CPEB3: variants seen among roughly 807,000 people sequenced by gnomAD.
CPEB3 encodes the protein cytoplasmic polyadenylation element-binding protein 3.
CPEB3 carries 20 observed loss-of-function variants against 67.2 expected under a neutral mutation model. That is an observed-to-expected ratio of 0.30 (90% confidence interval 0.21 to 0.43). The LOEUF is 0.43. Among genes scored for constraint, CPEB3 ranks in the 20% least tolerant of loss-of-function variants. The probability of loss-of-function intolerance (pLI) is 1.00; values close to 1 mark genes in which losing one functional copy is unlikely to be tolerated. For missense variants in CPEB3, 746 were observed against 968.6 expected (o/e 0.77, Z 3.05); for synonymous variants, 376 against 393.1 (o/e 0.96, Z 0.51).
intron 4 of CPEB3, among the ~76,000 whole-genome samples, chr10:92,170,601 A>G (rs1026437094): frequency 4.6e-5 from 7 of 152,158 alleles, no homozygotes; most frequent in Non-Finnish European, 1.0e-4. Context: ...AAATGAAACA[A>G]TAACTGATGA....
At chr10:92,219,966 T>C (rs1850613078) in intron 2 of CPEB3, among the ~76,000 whole-genome samples, 1 of 152,220 alleles carries the variant, frequency 6.6e-6, no homozygotes, top group Non-Finnish European at 1.5e-5. Context: ...GATACCAGCC[T>C]GGCCAATGTG....
chr10:92,079,056 G>A (rs1843041013), intron 9 of CPEB3, among the ~76,000 whole-genome samples: 1 of 152,084 alleles, frequency 6.6e-6, no homozygotes, highest in Non-Finnish European at 1.5e-5. Context: ...TCTGGCTTTA[G>A]AGGAGAAAAA....
chr10:92,137,717 G>T, intron 6 of CPEB3: 1 of 424,516 alleles, frequency 2.4e-6, no homozygotes, highest in African/African-American at 2.1e-5. Flanking sequence ...GGATTGGCTC[G>T]GCTGGGTGCA....
chr10:92,235,462 TA>T (rs968754725), intron 2 of CPEB3, among the ~76,000 whole-genome samples: 17 of 151,680 alleles, frequency 1.1e-4, no homozygotes, highest in African/African-American at 4.1e-4. Context: ...AAAAAATCAG[TA>T]ATCCGTATTA....
In CPEB3 at chr10:92,127,356, CTAAG is replaced by C. The variant is rs373238182; in HGVS notation, c.1453+15669_1453+15672del. On this transcript the variant is annotated intron_variant, in intron 6 of 9. Transcript: ENST00000265997. ...CAGGGGCTAGACATTTGAGCAGTGT[CTAAG>C]TGAGAAAGTGCTCCATTTAGAAATG... 2.2e-3 allele frequency among the ~76,000 whole-genome samples: 331 copies of C among 152,170 alleles called. 1 individual carries two copies. The highest frequency in any genetic ancestry group is 7.7e-3 in the African/African-American group (320 of 41,516).
intron 6 of CPEB3, among the ~76,000 whole-genome samples, chr10:92,122,678 C>G (rs933805506): frequency 6.6e-6 from 1 of 152,130 alleles, no homozygotes; most frequent in South Asian, 2.1e-4. Context: ...TTTTTGTAAA[C>G]ATATTTTTAA....
chr10:92,124,577 C>G (rs936527869), intron 6 of CPEB3, among the ~76,000 whole-genome samples: 1 of 151,096 alleles, frequency 6.6e-6, no homozygotes, highest in Non-Finnish European at 1.5e-5. Context: ...AATCACCAAA[C>G]AGTGTGAGCA....
At chr10:92,097,227 T>C (rs1843922731) in intron 7 of CPEB3, among the ~76,000 whole-genome samples, 1 of 152,194 alleles carries the variant, frequency 6.6e-6, no homozygotes, top group African/African-American at 2.4e-5. Flanking sequence ...AAGTGAAACT[T>C]CAATATTCTA....
chr10:92,198,213 C>A lies in CPEB3; in HGVS notation c.1006-5577G>T, dbSNP rs530377648. ...AGCCAGGGCTCAAACCCAGTCAAAT[C>A]CAGACCGTGCTCTTAAGGATTCTCA... is the stretch of plus-strand genomic sequence containing the variant. On this transcript the variant is annotated intron_variant, in intron 2 of 9. Transcript: ENST00000265997. Among the ~76,000 whole-genome samples the A allele has an allele frequency of 3.9e-5, 6 of 152,326 alleles. No individual in the cohort carries two copies. In the East Asian group the frequency reaches 1.2e-3, roughly 29 times the overall value.
At chr10:92,125,504 G>A (rs1185495139) in intron 6 of CPEB3, among the ~76,000 whole-genome samples, 2 of 152,214 alleles carry the variant, frequency 1.3e-5, no homozygotes, top group Admixed American at 6.5e-5. Flanking sequence ...TATGAGAGGT[G>A]AGGCTATTGC....
chr10:92,088,740 C>A (rs1191533122), intron 8 of CPEB3, among the ~76,000 whole-genome samples: 1 of 152,116 alleles, frequency 6.6e-6, no homozygotes, highest in East Asian at 1.9e-4. Context: ...TAAAAATCCA[C>A]CTGGACATCT....
intron 1 of CPEB3, among the ~76,000 whole-genome samples, chr10:92,290,704 A>G (rs730075): frequency 0.19 from 28,915 of 151,886 alleles, 3,434 homozygotes; most frequent in East Asian, 0.4. Context: ...AGGTGGTGTA[A>G]TTCCCCCAAA....
chr10:92,219,583 C>T (rs762236553), intron 2 of CPEB3, among the ~76,000 whole-genome samples: 7 of 152,256 alleles, frequency 4.6e-5, no homozygotes, highest in Non-Finnish European at 8.8e-5. Flanking sequence ...TCACATATAA[C>T]GAATCTCAGC....
chr10:92,089,627 A>C (rs902710392), intron 8 of CPEB3, among the ~76,000 whole-genome samples: 8 of 152,136 alleles, frequency 5.3e-5, no homozygotes, highest in Non-Finnish European at 1.0e-4. Context: ...TCTACCAAAA[A>C]TACAAAACAG....
At chr10:92,054,622 A>T (rs934180073) in intron 9 of CPEB3, among the ~76,000 whole-genome samples, 2 of 152,052 alleles carry the variant, frequency 1.3e-5, no homozygotes, top group Admixed American at 1.3e-4. Flanking sequence ...TTATATTTTT[A>T]GTAGAGATGG....
chr10:92,094,043 C>T (rs778512833), intron 7 of CPEB3, among the ~76,000 whole-genome samples: 19 of 151,778 alleles, frequency 1.3e-4, no homozygotes, highest in Non-Finnish European at 2.8e-4. Context: ...TTAGCAGAGA[C>T]GGGGCTTCGC....
chr10:92,244,352 A>G (rs908940538), intron 1 of CPEB3, among the ~76,000 whole-genome samples: 35 of 152,218 alleles, frequency 2.3e-4, no homozygotes, highest in Non-Finnish European at 4.9e-4. Context: ...GTCTCAAAAA[A>G]AAAAACTAAT....
chr10:92,112,071 C>T (rs1393946988), intron 6 of CPEB3, among the ~76,000 whole-genome samples: 1 of 149,568 alleles, frequency 6.7e-6, no homozygotes, highest in Non-Finnish European at 1.5e-5. Flanking sequence ...GTAACTGATA[C>T]AAGTGGGACA....
At chr10:92,084,861 G>A (rs1219653693) in intron 8 of CPEB3, among the ~76,000 whole-genome samples, 1 of 152,138 alleles carries the variant, frequency 6.6e-6, no homozygotes, top group Admixed American at 6.5e-5. Flanking sequence ...TTACAGGTGT[G>A]AGCCACCGTG....
Sources: allele counts gnomAD v4.1 joint callset (sites outside exome capture counted in the v4.1 genomes callset), GRCh38; gene constraint gnomAD v4.1.1; transcripts MANE v1.5; gene names NCBI Gene and HGNC (gene_info 2026-07-23, HGNC 2026-07-21).